The following KCNN2 variants were observed in gnomAD, a reference collection of about 807,000 sequenced individuals.
KCNN2 encodes small conductance calcium-activated potassium channel protein 2.
Under a neutral mutation model 55.5 loss-of-function variants are expected in KCNN2, and 24 were observed. The observed-to-expected ratio is 0.43, with a 90% CI of 0.31 to 0.61. The LOEUF (loss-of-function observed/expected upper bound fraction) is 0.61, where lower values mean the gene tolerates loss of function less well. Ranked by LOEUF, KCNN2 falls within the 20% of genes least tolerant of loss-of-function variation. The pLI is 0.08. For missense variants in KCNN2, 754 were observed against 853.6 expected, an observed-to-expected ratio of 0.88 and a Z score of 1.45; for synonymous variants, 431 against 336.1, an observed-to-expected ratio of 1.28 and a Z score of -3.09.
At chr5:114,213,664 G>A (rs1044015026) in intron 1 of KCNN2, among the ~76,000 whole-genome samples, 3 of 151,866 alleles carry the variant, frequency 2.0e-5, no homozygotes, top group African/African-American at 7.2e-5. Flanking sequence ...TAAGTCTGTT[G>A]TTATGATCTT....
At chr5:114,320,673 C>T (rs1756598222) in intron 2 of KCNN2, among the ~76,000 whole-genome samples, 2 of 151,934 alleles carry the variant, frequency 1.3e-5, no homozygotes, top group Non-Finnish European at 2.9e-5. Context: ...CAGATCTGGC[C>T]CAACTAGTGA....
At chr5:114,065,211 A>G (rs1389327880) in intron 1 of KCNN2, among the ~76,000 whole-genome samples, 1 of 152,190 alleles carries the variant, frequency 6.6e-6, no homozygotes, top group African/African-American at 2.4e-5. Context: ...CATAGGAGAG[A>G]AGACAAAAGA....
chr5:114,072,760 T>A (rs1750604099), intron 1 of KCNN2, among the ~76,000 whole-genome samples: 1 of 152,214 alleles, frequency 6.6e-6, no homozygotes, highest in South Asian at 2.1e-4. Flanking sequence ...CTTGGGAATT[T>A]CTGTGGATTT....
At chr5:114,127,408 A>G (rs1385491238) in intron 1 of KCNN2, among the ~76,000 whole-genome samples, 3 of 152,048 alleles carry the variant, frequency 2.0e-5, no homozygotes, top group Non-Finnish European at 4.4e-5. Context: ...GCTCAACAAC[A>G]CGTGGAAGCT....
chr5:114,172,522 G>A (rs953105559), intron 1 of KCNN2, among the ~76,000 whole-genome samples: 1 of 151,124 alleles, frequency 6.6e-6, no homozygotes, highest in African/African-American at 2.4e-5. Flanking sequence ...AACATTTACT[G>A]TGTGTGGGAG....
At chr5:114,120,450 T>C (rs2112595758) in intron 1 of KCNN2, among the ~76,000 whole-genome samples, 1 of 152,346 alleles carries the variant, frequency 6.6e-6, no homozygotes, top group Admixed American at 6.5e-5. Context: ...TGTAATAAAC[T>C]TCTGCTGTAT....
intron 2 of KCNN2, among the ~76,000 whole-genome samples, chr5:114,294,442 C>T (rs1755964612): frequency 6.6e-6 from 1 of 152,110 alleles, no homozygotes; most frequent in Non-Finnish European, 1.5e-5. Context: ...GCCTTCATTT[C>T]CTTATGTACC....
chr5:114,273,015 T>C (rs890701659), intron 2 of KCNN2, among the ~76,000 whole-genome samples: 2 of 152,142 alleles, frequency 1.3e-5, no homozygotes, highest in African/African-American at 4.8e-5. Context: ...CTCCTCATGA[T>C]ATCTCTCCCC....
intron 3 of KCNN2, among the ~76,000 whole-genome samples, chr5:114,436,213 G>A (rs1759998731): frequency 6.6e-6 from 1 of 152,168 alleles, no homozygotes. Flanking sequence ...TCAGCTTGGT[G>A]TTACAAGTAC....
rs1447516638 is a variant in KCNN2 at position 114,491,998 on chromosome 5, C to CCATCT, written c.2019-1403_2019-1399dup. On this transcript the variant is annotated intron_variant, in intron 6 of 7. Coordinates refer to ENST00000673685, the MANE Select transcript of KCNN2 (RefSeq NM_021614.4). The stretch of plus-strand genomic sequence containing the variant: ...TGTAAATTTTAGACTAGGACATATT[C>CCATCT]CATCTCTGTAATAGCATAAAAAGGA... Among the ~76,000 whole-genome samples, 7 of 152,216 alleles carry CCATCT rather than the reference C, an allele frequency of 4.6e-5. No individual in the cohort carries two copies. In the East Asian group the frequency reaches 7.7e-4, roughly 17 times the overall value.
At chr5:114,104,975 G>A (rs189086729) in intron 1 of KCNN2, among the ~76,000 whole-genome samples, 6 of 152,200 alleles carry the variant, frequency 3.9e-5, no homozygotes, top group Admixed American at 6.6e-5. Context: ...AAGAGGTTAA[G>A]TGACTTTCCC....
chr5:114,363,899 G>C lies in KCNN2; in HGVS notation c.1123-7G>C, dbSNP rs983952051. 2.5e-6 allele frequency: 4 copies of C among 1,610,308 alleles called. No individual in the cohort carries two copies. The highest frequency in any genetic ancestry group is 2.7e-5 in the African/African-American group (2 of 74,846). On this transcript the variant is annotated splice_polypyrimidine_tract_variant and splice_region_variant and intron_variant, in intron 1 of 7. Coordinates refer to ENST00000673685, the MANE Select transcript of KCNN2 (RefSeq NM_021614.4). ...CTTAAAAGTGCTTCTGTCTGACTGT[G>C]TTGCAGGCGTCGCTGTATTCCTTAG...
intron 1 of KCNN2, among the ~76,000 whole-genome samples, chr5:114,180,053 TTTC>T (rs1753209245): frequency 6.6e-6 from 1 of 152,214 alleles, no homozygotes; most frequent in African/African-American, 2.4e-5. Flanking sequence ...CCATATGTCT[TTTC>T]CCTGAAGCAC....
intron 1 of KCNN2, among the ~76,000 whole-genome samples, chr5:114,112,487 T>C (rs185633760): frequency 6.6e-6 from 1 of 152,142 alleles, no homozygotes; most frequent in East Asian, 1.9e-4. Flanking sequence ...AAAAAATACA[T>C]AAATAAATAA....
intron 1 of KCNN2, among the ~76,000 whole-genome samples, chr5:114,184,384 T>C (rs546517437): frequency 6.6e-6 from 1 of 152,280 alleles, no homozygotes; most frequent in East Asian, 1.9e-4. Flanking sequence ...TAAAGTGACT[T>C]AAATCAAAAT....
intron 2 of KCNN2, among the ~76,000 whole-genome samples, chr5:114,236,428 A>G (rs887499697): frequency 3.9e-5 from 6 of 152,158 alleles, no homozygotes; most frequent in African/African-American, 1.4e-4. Context: ...TTGTGTTACA[A>G]TTCTAGGTTC....
At chr5:114,192,283 T>G (rs1018685805) in intron 1 of KCNN2, among the ~76,000 whole-genome samples, 1 of 152,178 alleles carries the variant, frequency 6.6e-6, no homozygotes, top group Non-Finnish European at 1.5e-5. Context: ...TATGCTTCAG[T>G]GACACATGAT....
At chr5:114,150,982 T>C (rs1005859693) in intron 1 of KCNN2, among the ~76,000 whole-genome samples, 7 of 151,966 alleles carry the variant, frequency 4.6e-5, no homozygotes, top group African/African-American at 1.7e-4. Flanking sequence ...GATGGCGCCA[T>C]TGCACTCCAG....
At chr5:114,273,601 C>G (rs1214833471) in intron 2 of KCNN2, among the ~76,000 whole-genome samples, 1 of 152,174 alleles carries the variant, frequency 6.6e-6, no homozygotes, top group African/African-American at 2.4e-5. Flanking sequence ...TCTCTAATGA[C>G]CAGTGATGAT....
Sources: gnomAD v4.1 joint callset for allele counts (sites outside exome capture counted in the v4.1 genomes callset) on GRCh38, gnomAD v4.1.1 for gene constraint, MANE v1.5 for transcripts, NCBI Gene and HGNC (gene_info 2026-07-23, HGNC 2026-07-21) for gene names.